The following ADAM17 variants were observed in gnomAD, a reference collection of about 807,000 sequenced individuals.
The protein encoded by ADAM17 is ADAM metallopeptidase domain 17, also known as disintegrin and metalloproteinase domain-containing protein 17.
In ADAM17, 39 loss-of-function variants were observed where a neutral mutation model predicts 96.7. The ratio of observed to expected loss-of-function variants is 0.40; its 90% CI spans 0.31 to 0.53. ADAM17 has a LOEUF of 0.53. Among genes scored for constraint, ADAM17 ranks in the 20% least tolerant of loss-of-function variants. The pLI is 0.44. For missense variants in ADAM17, 777 were observed against 1,013.2 expected, an observed-to-expected ratio of 0.77 and a Z score of 3.17; for synonymous variants, 344 against 359.2, an observed-to-expected ratio of 0.96 and a Z score of 0.48.
Position 9,488,564 on chromosome 2 carries a change from A to G in ADAM17, c.*1613T>C, listed in dbSNP as rs1052220677. 1.7e-5 allele frequency: 6 copies of G among 350,982 alleles called. No individual in the cohort carries two copies. Among genetic ancestry groups the G allele is most frequent in the Admixed American group, 4.5e-5 (1 of 22,084 alleles). 21.7% of individuals were successfully genotyped at this position (350,982 alleles called of 1,614,324 possible). ...ATACCCTGAGCAGCTTGTTAATTCTATAAATGACAAAGACTATGTTTTTAA... is the reference window on the plus strand; with the variant it reads ...ATACCCTGAGCAGCTTGTTAATTCTGTAAATGACAAAGACTATGTTTTTAA... On this transcript the variant is annotated 3_prime_UTR_variant, in exon 19 of 19. Coordinates refer to ENST00000310823, the MANE Select transcript of ADAM17 (RefSeq NM_003183.6).
chr2:9,525,455 T>C (rs964991320), intron 6 of ADAM17, among the ~76,000 whole-genome samples: 1 of 152,196 alleles, frequency 6.6e-6, no homozygotes, highest in Non-Finnish European at 1.5e-5. Context: ...CATTCTCCAT[T>C]ATTCCCTCAG....
At chr2:9,544,585 T>C (rs987164191) in intron 1 of ADAM17, among the ~76,000 whole-genome samples, 1 of 151,288 alleles carries the variant, frequency 6.6e-6, no homozygotes, top group Non-Finnish European at 1.5e-5. Flanking sequence ...CCCAGCACTT[T>C]GGGAGGCCAA....
chr2:9,522,261 G>A, intron 7 of ADAM17: 1 of 412,742 alleles, frequency 2.4e-6, no homozygotes, highest in Non-Finnish European at 4.3e-6. Context: ...GCACCGTTGT[G>A]TCAAATACAG....
chr2:9,507,500 C>CA (rs1663481570), intron 11 of ADAM17, among the ~76,000 whole-genome samples: 1 of 151,934 alleles, frequency 6.6e-6, no homozygotes, highest in Admixed American at 6.6e-5. Flanking sequence ...AGACTCCACT[C>CA]AAAAAATCAT....
intron 7 of ADAM17, 49 bp downstream of exon 7, chr2:9,523,200 T>A: frequency 7.2e-7 from 1 of 1,396,396 alleles, no homozygotes; most frequent in Non-Finnish European, 9.9e-7. Flanking sequence ...GTGACAAATA[T>A]TTACATTACA....
At chr2:9,528,608 T>A (rs1191214795) in intron 4 of ADAM17, among the ~76,000 whole-genome samples, 1 of 152,220 alleles carries the variant, frequency 6.6e-6, no homozygotes, top group Non-Finnish European at 1.5e-5. Flanking sequence ...AGGCTGTTTG[T>A]TTGTTTTGTT....
intron 1 of ADAM17, among the ~76,000 whole-genome samples, chr2:9,550,195 G>A (rs1265219894): frequency 6.6e-6 from 1 of 152,110 alleles, no homozygotes; most frequent in Admixed American, 6.6e-5. Flanking sequence ...CTAGGCCAGG[G>A]ACCCCAGAGC....
intron 9 of ADAM17, 52 bp downstream of exon 9, chr2:9,518,051 A>G: frequency 6.4e-7 from 1 of 1,572,570 alleles, no homozygotes; most frequent in Non-Finnish European, 8.6e-7. Flanking sequence ...ATATAATCCA[A>G]TCATCTTAAT....
At chr2:9,527,287 C>G (rs5027446) in intron 5 of ADAM17, among the ~76,000 whole-genome samples, 13 of 64,648 alleles carry the variant, frequency 2.0e-4, no homozygotes, top group African/African-American at 3.6e-4. Flanking sequence ...GCGCTGCAAA[C>G]AAAACAAAAC....
In ADAM17 at chr2:9,534,787, C is replaced by T. The variant is rs895587224; in HGVS notation, c.450+1047G>A. On this transcript the variant is annotated intron_variant, in intron 4 of 18. Transcript: ENST00000310823. ...GTCCAAGTACAGATAATCTATTTTC[C>T]GAATTTTGCAATGAGCATATATTTT... Among the ~76,000 whole-genome samples, 5 of 152,004 alleles carry T rather than the reference C, an allele frequency of 3.3e-5. No homozygotes were observed. The South Asian group carries it at 1.0e-3, about 32-fold the overall frequency.
chr2:9,534,759 T>A (rs1192065768), intron 4 of ADAM17, among the ~76,000 whole-genome samples: 2 of 152,244 alleles, frequency 1.3e-5, no homozygotes, highest in East Asian at 3.8e-4. Flanking sequence ...ATAGTAGTTA[T>A]CTGTCCAAGT....
intron 12 of ADAM17, among the ~76,000 whole-genome samples, chr2:9,504,289 C>CA (rs2124996697): frequency 6.6e-6 from 1 of 150,582 alleles, no homozygotes; most frequent in South Asian, 2.1e-4. Context: ...TACTAAAATA[C>CA]AAAAAATCAG....
chr2:9,495,556 T>TA (rs943753846), intron 14 of ADAM17, among the ~76,000 whole-genome samples: 6 of 151,480 alleles, frequency 4.0e-5, no homozygotes, highest in Admixed American at 2.6e-4. Context: ...CTACTAAAAA[T>TA]AAAAAAAATT....
intron 13 of ADAM17, among the ~76,000 whole-genome samples, chr2:9,498,492 A>T (rs1662784542): frequency 6.6e-6 from 1 of 152,268 alleles, no homozygotes; most frequent in Middle Eastern, 3.2e-3. Context: ...CTATATATCC[A>T]CAGCTCTGGA....
intron 10 of ADAM17, among the ~76,000 whole-genome samples, chr2:9,517,433 A>T (rs1664107496): frequency 6.6e-6 from 1 of 152,242 alleles, no homozygotes; most frequent in Non-Finnish European, 1.5e-5. Flanking sequence ...TTAAGAGTGG[A>T]ATAAAGACAT....
At chr2:9,530,184 C>G (rs1664682104) in intron 4 of ADAM17, among the ~76,000 whole-genome samples, 1 of 152,200 alleles carries the variant, frequency 6.6e-6, no homozygotes. Context: ...TTCCGGGCTA[C>G]AGGAATCTTC....
At position 9,505,192 on chromosome 2, in the gene ADAM17, G is replaced by A; in HGVS notation, c.1518C>T (p.Cys506=). ...LNNDTCCNSD[C]TLKEGVQCSD... is the part of the protein sequence containing the mutation. ...TGCACTGGACACCTTCCTTCAACGTGCAGTCGCTGTTGCAGCAGGTGTCGT... is the reference window on the plus strand; with the variant it reads ...TGCACTGGACACCTTCCTTCAACGTACAGTCGCTGTTGCAGCAGGTGTCGT... Residue 506 remains cysteine, a synonymous_variant, in exon 12 of 19, where the codon TGC becomes TGT. Coordinates refer to ENST00000310823, the MANE Select transcript of ADAM17 (RefSeq NM_003183.6). 2 of 1,614,176 alleles carry A rather than the reference G, an allele frequency of 1.2e-6. No individual in the cohort carries two copies. Among genetic ancestry groups the A allele is most frequent in the Non-Finnish European group, 1.7e-6 (2 of 1,180,038 alleles).
intron 1 of ADAM17, among the ~76,000 whole-genome samples, chr2:9,550,066 G>A (rs1440316823): frequency 2.0e-5 from 3 of 152,110 alleles, no homozygotes. Flanking sequence ...GAAGACACAG[G>A]AGCCTTCCTC....
intron 17 of ADAM17, among the ~76,000 whole-genome samples, chr2:9,492,387 A>C (rs1323416419): frequency 6.6e-6 from 1 of 152,220 alleles, no homozygotes; most frequent in African/African-American, 2.4e-5. Flanking sequence ...TGAGAACAGA[A>C]AAGACTGCTT....
Sources: gnomAD v4.1 joint callset for allele counts (sites outside exome capture counted in the v4.1 genomes callset) on GRCh38, gnomAD v4.1.1 for gene constraint, MANE v1.5 for transcripts, NCBI Gene and HGNC (gene_info 2026-07-23, HGNC 2026-07-21) for gene names.